TIMD4: variants seen among roughly 807,000 people sequenced by gnomAD.
TIMD4 encodes T-cell immunoglobulin and mucin domain-containing protein 4.
In TIMD4, 31 loss-of-function variants were observed where a neutral mutation model predicts 41.2. The ratio of observed to expected loss-of-function variants is 0.75; its 90% confidence interval spans 0.57 to 1.01. The LOEUF (loss-of-function observed/expected upper bound fraction) is 1.01. Ranked by LOEUF, TIMD4 falls within the 50% of genes least tolerant of loss-of-function variation. The probability of loss-of-function intolerance (pLI) is 0.00; values close to 1 mark genes in which losing one functional copy is unlikely to be tolerated. For synonymous variants in TIMD4, 204 were observed against 177.1 expected (o/e 1.15, Z -1.21); for missense variants, 479 against 472.5 (o/e 1.01, Z -0.13).
Position 156,942,138 on chromosome 5 carries a change from G to A in TIMD4, c.844+6278C>T, listed in dbSNP as rs114944169. On this transcript the variant is annotated intron_variant, in intron 5 of 8. Coordinates refer to ENST00000274532, the MANE Select transcript of TIMD4 (RefSeq NM_138379.3). ...TTTGAATATTGACAGCAAAGTCCTC[G>A]TGTGTTTTTCAGTGCATTCAACTTG... 8.3e-3 allele frequency among the ~76,000 whole-genome samples: 1,260 copies of A among 152,262 alleles called. 19 individuals are homozygous for A. Among genetic ancestry groups the A allele is most frequent in the African/African-American group, 0.029 (1,191 of 41,534 alleles).
chr5:156,931,969 A>T (rs1036305619), intron 5 of TIMD4, among the ~76,000 whole-genome samples: 1 of 147,394 alleles, frequency 6.8e-6, no homozygotes, highest in Non-Finnish European at 1.5e-5. Flanking sequence ...AATTTTACTG[A>T]GAAAAATTAT....
At chr5:156,961,640 T>C (rs1249751368) in intron 1 of TIMD4, among the ~76,000 whole-genome samples, 1 of 151,208 alleles carries the variant, frequency 6.6e-6, no homozygotes, top group Non-Finnish European at 1.5e-5. Context: ...CCGTCTCTAC[T>C]AAAAATACAA....
chr5:156,932,288 G>A (rs1759456878), intron 5 of TIMD4, among the ~76,000 whole-genome samples: 1 of 152,112 alleles, frequency 6.6e-6, no homozygotes, highest in Non-Finnish European at 1.5e-5. Context: ...GAAACTCCAC[G>A]ATGCTTGAGG....
chr5:156,944,601 T>C (rs2113373138), intron 5 of TIMD4, among the ~76,000 whole-genome samples: 1 of 150,006 alleles, frequency 6.7e-6, no homozygotes, highest in South Asian at 2.1e-4. Context: ...GCCTCCTGGG[T>C]TCACACCATT....
At chr5:156,956,541 T>C (rs1210068144) in intron 1 of TIMD4, among the ~76,000 whole-genome samples, 1 of 152,198 alleles carries the variant, frequency 6.6e-6, no homozygotes, top group Non-Finnish European at 1.5e-5. Context: ...TGAATCAAGT[T>C]CTCCAGGCCA....
intron 2 of TIMD4, among the ~76,000 whole-genome samples, chr5:156,953,017 C>T (rs527862379): frequency 5.3e-5 from 8 of 152,340 alleles, no homozygotes; most frequent in Non-Finnish European, 7.3e-5. Context: ...ACCGTTTATT[C>T]GACAGATCTC....
At chr5:156,947,057 G>C (rs1759757661) in intron 5 of TIMD4, among the ~76,000 whole-genome samples, 1 of 151,900 alleles carries the variant, frequency 6.6e-6, no homozygotes, top group African/African-American at 2.4e-5. Flanking sequence ...AATTAGCCAG[G>C]CATGGTGGCA....
At chr5:156,926,222 T>C in intron 6 of TIMD4, 41 bp downstream of exon 6, 1 of 1,607,552 alleles carries the variant, frequency 6.2e-7, no homozygotes, top group Non-Finnish European at 8.5e-7. Context: ...GGATTTTTAC[T>C]ATTTAAGTGA....
At position 156,933,544 on chromosome 5, in the gene TIMD4, G is replaced by GTTGTTTTGTTTTGTTTTGTT. The variant is rs60102527; in HGVS notation, c.845-7252_845-7233dup. ...TCTTTATCTGTTCATGGGTGAGAGT[G>GTTGTTTTGTTTTGTTTTGTT]TTGTTTTGTTTTGTTTTGTTTTGTT... On this transcript the variant is annotated intron_variant, in intron 5 of 8. Transcript: ENST00000274532. 6.2e-3 allele frequency among the ~76,000 whole-genome samples: 898 copies of GTTGTTTTGTTTTGTTTTGTT among 144,342 alleles called. 12 individuals carry two copies. Among genetic ancestry groups the GTTGTTTTGTTTTGTTTTGTT allele is most frequent in the African/African-American group, 0.021 (823 of 38,594 alleles). 94.7% of individuals were successfully genotyped at this position (144,342 alleles called of 152,430 possible). A position where few individuals can be genotyped will look rare whatever the true frequency, so the allele number is the denominator to read the frequency against.
chr5:156,934,907 C>T (rs562488818), intron 5 of TIMD4, among the ~76,000 whole-genome samples: 2 of 152,280 alleles, frequency 1.3e-5, no homozygotes, highest in East Asian at 1.9e-4. Context: ...TTCATAGATG[C>T]TGGGACTCAT....
chr5:156,920,181 C>A (rs945815801), intron 8 of TIMD4, among the ~76,000 whole-genome samples: 1 of 152,126 alleles, frequency 6.6e-6, no homozygotes, highest in Non-Finnish European at 1.5e-5. Flanking sequence ...CATAGGTGAA[C>A]AAAAAATTTC....
chr5:156,922,283 C>G, intron 6 of TIMD4, 67 bp from the exon 7 acceptor site: 1 of 1,195,206 alleles, frequency 8.4e-7, no homozygotes, highest in Non-Finnish European at 1.2e-6. Flanking sequence ...AGATGACATC[C>G]CAGCCCAATA....
chr5:156,936,809 G>A (rs1007429410), intron 5 of TIMD4, among the ~76,000 whole-genome samples: 6 of 151,652 alleles, frequency 4.0e-5, no homozygotes, highest in Non-Finnish European at 7.4e-5. Context: ...GCGGGTGCCT[G>A]TAATCCCAGC....
At chr5:156,940,687 G>A (rs369780302) in intron 5 of TIMD4, among the ~76,000 whole-genome samples, 58 of 151,576 alleles carry the variant, frequency 3.8e-4, no homozygotes, top group African/African-American at 1.4e-3. Flanking sequence ...CGGCTGCCCC[G>A]TATGAGAAGT....
chr5:156,933,087 T>C (rs936367923), intron 5 of TIMD4, among the ~76,000 whole-genome samples: 1 of 152,212 alleles, frequency 6.6e-6, no homozygotes, highest in Admixed American at 6.5e-5. Flanking sequence ...ATGAATGGTA[T>C]ATAGCAGCTT....
At chr5:156,949,020 G>A (rs994153498) in intron 4 of TIMD4, among the ~76,000 whole-genome samples, 4 of 152,108 alleles carry the variant, frequency 2.6e-5, no homozygotes, top group Non-Finnish European at 5.9e-5. Context: ...ACAAACCTAG[G>A]AATATAAACT....
intron 6 of TIMD4, among the ~76,000 whole-genome samples, chr5:156,923,539 AT>A (rs199934025): frequency 5.5e-5 from 8 of 146,724 alleles, no homozygotes; most frequent in East Asian, 4.1e-4. Context: ...TAAGAAACTG[AT>A]TTTTTTTTTC....
chr5:156,953,195 T>G (rs1016680947), intron 2 of TIMD4, among the ~76,000 whole-genome samples: 8 of 152,228 alleles, frequency 5.3e-5, no homozygotes, highest in Admixed American at 4.6e-4. Flanking sequence ...GTGGGAGTCA[T>G]CTAACTTCAA....
intron 5 of TIMD4, among the ~76,000 whole-genome samples, chr5:156,931,796 G>A (rs1759448380): frequency 6.6e-6 from 1 of 152,146 alleles, no homozygotes; most frequent in Non-Finnish European, 1.5e-5. Flanking sequence ...GGGACTCTCT[G>A]CCATCACTAA....
Sources: allele counts gnomAD v4.1 joint callset (sites outside exome capture counted in the v4.1 genomes callset), GRCh38; gene constraint gnomAD v4.1.1; transcripts MANE v1.5; gene names NCBI Gene and HGNC (gene_info 2026-07-23, HGNC 2026-07-21).